OR11A1: variants seen among roughly 807,000 people sequenced by gnomAD.
OR11A1 encodes the protein olfactory receptor 11A1.
For missense variants in OR11A1, 380 were observed against 378.2 expected, an observed-to-expected ratio of 1.00 and a Z score of -0.04; for synonymous variants, 158 against 152.2, an observed-to-expected ratio of 1.04 and a Z score of -0.28.
intron 1 of OR11A1, among the ~76,000 whole-genome samples, chr6:29,432,317 C>T (rs1027091995): frequency 6.6e-6 from 1 of 152,170 alleles, no homozygotes; most frequent in African/African-American, 2.4e-5. Flanking sequence ...ATGGAGCCCA[C>T]CTTTCCATCC....
In OR11A1 at chr6:29,425,659, T is replaced by C. The variant is rs576361592; in HGVS notation, c.*1035A>G. On this transcript the variant is annotated 3_prime_UTR_variant, in exon 5 of 5. Transcript: ENST00000377149. Reference sequence around the variant, plus strand: ...ATGAAAACTAACAAACAAGGAGCTGTAGCTAATTAAAATAAGATTAGCAAA... The same window carrying C: ...ATGAAAACTAACAAACAAGGAGCTGCAGCTAATTAAAATAAGATTAGCAAA... 6.6e-6 allele frequency: 1 copy of C among 152,328 alleles called. No homozygotes were observed. Among genetic ancestry groups the C allele is most frequent in the African/African-American group, 2.4e-5 (1 of 41,590 alleles). 9.4% of individuals were successfully genotyped at this position (152,328 alleles called of 1,614,324 possible).
intron 1 of OR11A1, among the ~76,000 whole-genome samples, chr6:29,439,137 G>T (rs1467934055): frequency 2.6e-5 from 4 of 152,180 alleles, no homozygotes; most frequent in Admixed American, 6.5e-5. Context: ...TAGAATACAT[G>T]ATTTGCAACT....
chr6:29,441,597 T>A (rs933722707), intron 1 of OR11A1, among the ~76,000 whole-genome samples: 1 of 152,192 alleles, frequency 6.6e-6, no homozygotes, highest in African/African-American at 2.4e-5. Flanking sequence ...AGCCTTAATT[T>A]TTTTAAATTT....
At chr6:29,441,038 C>T in intron 1 of OR11A1, 1 of 912,936 alleles carries the variant, frequency 1.1e-6, no homozygotes, top group Non-Finnish European at 1.7e-6. Flanking sequence ...TAAGGTCTTT[C>T]TTCACATTAG....
intron 1 of OR11A1, among the ~76,000 whole-genome samples, chr6:29,433,956 A>G (rs972632816): frequency 6.6e-6 from 1 of 151,986 alleles, no homozygotes; most frequent in Non-Finnish European, 1.5e-5. Context: ...CCTGTTTGTC[A>G]TTTGTACGTC....
At chr6:29,448,479 G>T (rs904803513) in intron 1 of OR11A1, among the ~76,000 whole-genome samples, 2 of 152,170 alleles carry the variant, frequency 1.3e-5, no homozygotes, top group Non-Finnish European at 1.5e-5. Flanking sequence ...GCCCCATAAG[G>T]GTCACTTGAG....
At chr6:29,448,623 CCAGT>C (rs1243215746) in intron 1 of OR11A1, among the ~76,000 whole-genome samples, 1 of 152,202 alleles carries the variant, frequency 6.6e-6, no homozygotes, top group Non-Finnish European at 1.5e-5. Context: ...TTCGAGTTGG[CCAGT>C]TCTGGCAATT....
chr6:29,443,183 ACCCATG>A (rs1408664148), intron 1 of OR11A1, among the ~76,000 whole-genome samples: 13 of 152,086 alleles, frequency 8.5e-5, no homozygotes, highest in African/African-American at 3.1e-4. Context: ...ATAAGTTTTG[ACCCATG>A]TATGCACCAT....
intron 1 of OR11A1, among the ~76,000 whole-genome samples, chr6:29,444,125 G>T (rs937656593): frequency 6.6e-6 from 1 of 152,162 alleles, no homozygotes; most frequent in Non-Finnish European, 1.5e-5. Flanking sequence ...AATTATGGGG[G>T]TGGATGTTTC....
intron 1 of OR11A1, chr6:29,439,856 A>C: frequency 1.6e-6 from 1 of 617,686 alleles, no homozygotes; most frequent in Non-Finnish European, 2.8e-6. Flanking sequence ...ACTCCAGGCA[A>C]GGCTGCCTAA....
At chr6:29,449,172 A>G (rs1047184901) in intron 1 of OR11A1, among the ~76,000 whole-genome samples, 2 of 152,206 alleles carry the variant, frequency 1.3e-5, no homozygotes, top group Admixed American at 1.3e-4. Flanking sequence ...ACCAAGAGTG[A>G]GTCCTGAAGT....
At chr6:29,441,755 T>C (rs1417603600) in intron 1 of OR11A1, among the ~76,000 whole-genome samples, 2 of 152,156 alleles carry the variant, frequency 1.3e-5, no homozygotes, top group Admixed American at 6.5e-5. Flanking sequence ...CCCTCAATTA[T>C]GTCCTGGTAT....
chr6:29,429,076 C>G, intron 3 of OR11A1, 116 bp from the exon 4 acceptor site: 2 of 169,844 alleles, frequency 1.2e-5, no homozygotes, highest in Non-Finnish European at 2.4e-5. Context: ...GTGTTACTTT[C>G]TAGAATATGG....
chr6:29,426,452 A>C lies in OR11A1; in HGVS notation c.*242T>G. The C allele has an allele frequency of 2.1e-6, 1 of 484,916 alleles. No individual in the cohort carries two copies. The highest frequency in any genetic ancestry group is 3.5e-5 in the Admixed American group (1 of 28,956). The allele number at this position is 484,916 out of a possible 1,614,324, so 30.0% of individuals were successfully genotyped here. ...ACTAGGCTTAATACCTGGGTGATGA[A>C]ATAATCTGTACAGTAAACCCCCATG... On this transcript the variant is annotated 3_prime_UTR_variant, in exon 5 of 5. Transcript: ENST00000377149.
rs766464789 is a variant in OR11A1 at position 29,427,557 on chromosome 6, A to G, written c.85T>C (p.Phe29Leu). The G allele has an allele frequency of 2.7e-5, 44 of 1,612,960 alleles. No homozygotes were observed. Among genetic ancestry groups the G allele is most frequent in the Non-Finnish European group, 3.7e-5 (44 of 1,180,028 alleles). ...TAGACAGCAGTGAATACAATAAAAAACAAGAAATGCAGTTCAGGGATGTCA... is the reference window on the plus strand; with the variant it reads ...TAGACAGCAGTGAATACAATAAAAAGCAAGAAATGCAGTTCAGGGATGTCA... ...FYDIPELHFLFFIVFTAVYVF... is the reference protein window; with the variant it reads ...FYDIPELHFLLFIVFTAVYVF... Residue 29 changes from phenylalanine (F) to leucine (L), a missense_variant, in exon 5 of 5, where the codon TTT becomes CTT. By Grantham distance (22) the Phe-to-Leu change is conservative. Coordinates refer to ENST00000377149, the MANE Select transcript of OR11A1 (RefSeq NM_001394828.1).
rs1363684334 is a variant in OR11A1 at position 29,427,710 on chromosome 6, T to C, written c.-69A>G. The C allele has an allele frequency of 2.0e-6, 3 of 1,528,028 alleles. No homozygotes were observed. In the African/African-American group the frequency reaches 4.2e-5, roughly 21 times the overall value. 94.7% of individuals were successfully genotyped at this position (1,528,028 alleles called of 1,614,324 possible). On this transcript the variant is annotated 5_prime_UTR_variant, in exon 5 of 5. Transcript: ENST00000377149. ...TTTTAGCATGTCTCTGCATCTTCTA[T>C]ACCAAGCCTAACGTTATTAGAGCTA...
intron 3 of OR11A1, among the ~76,000 whole-genome samples, chr6:29,430,054 T>C (rs920443825): frequency 6.6e-6 from 1 of 152,240 alleles, no homozygotes; most frequent in Non-Finnish European, 1.5e-5. Flanking sequence ...TCTTATGGTA[T>C]GCACTTTCTC....
intron 1 of OR11A1, among the ~76,000 whole-genome samples, chr6:29,449,277 T>C (rs1785088765): frequency 6.6e-6 from 1 of 151,962 alleles, no homozygotes; most frequent in African/African-American, 2.4e-5. Flanking sequence ...AGTAGGAGAG[T>C]CCACCTAGGG....
chr6:29,429,980 G>C (rs1244541185), intron 3 of OR11A1, among the ~76,000 whole-genome samples: 2 of 152,076 alleles, frequency 1.3e-5, no homozygotes, highest in African/African-American at 4.8e-5. Flanking sequence ...TGAAAGAAGG[G>C]ATGGCCCCAC....
Sources: allele counts gnomAD v4.1 joint callset (sites outside exome capture counted in the v4.1 genomes callset), GRCh38; gene constraint gnomAD v4.1.1; transcripts MANE v1.5; gene names NCBI Gene and HGNC (gene_info 2026-07-23, HGNC 2026-07-21).